MYO7B: variants seen among roughly 807,000 people sequenced by gnomAD.
MYO7B encodes unconventional myosin-VIIb.
In MYO7B, 212 loss-of-function variants were observed where a neutral mutation model predicts 259.7. The ratio of observed to expected loss-of-function variants is 0.82; its 90% confidence interval spans 0.73 to 0.91. MYO7B has a LOEUF of 0.91. Ranked by LOEUF, MYO7B falls within the 40% of genes least tolerant of loss-of-function variation. The pLI, the probability that MYO7B is intolerant of heterozygous loss-of-function variation, is 0.00. For synonymous variants in MYO7B, 1,197 were observed against 1,166.4 expected, an observed-to-expected ratio of 1.03 and a Z score of -0.54; for missense variants, 2,732 against 2,813.5, an observed-to-expected ratio of 0.97 and a Z score of 0.66.
At chr2:127,561,644 A>G (rs937280209) in intron 2 of MYO7B, among the ~76,000 whole-genome samples, 2 of 152,198 alleles carry the variant, frequency 1.3e-5, no homozygotes, top group South Asian at 2.1e-4. Flanking sequence ...AGGGCATTCC[A>G]TCTTCACAGC....
chr2:127,541,189 C>T (rs545277066), intron 1 of MYO7B, among the ~76,000 whole-genome samples: 1 of 152,078 alleles, frequency 6.6e-6, no homozygotes, highest in African/African-American at 2.4e-5. Context: ...GGAGGCATCT[C>T]TGTGGCTGTC....
At chr2:127,570,034 C>A in intron 6 of MYO7B, 124 bp downstream of exon 6, 1 of 1,209,224 alleles carries the variant, frequency 8.3e-7, no homozygotes, top group South Asian at 1.9e-5. Flanking sequence ...ACCCTTGGGA[C>A]ACAAAACACA....
chr2:127,603,470 C>T (rs551387058), intron 19 of MYO7B, among the ~76,000 whole-genome samples: 5 of 152,206 alleles, frequency 3.3e-5, no homozygotes, highest in East Asian at 3.9e-4. Flanking sequence ...CTTGGGTGGC[C>T]GGGTGAATTG....
chr2:127,633,442 G>A lies in MYO7B; in HGVS notation c.5511+79G>A, dbSNP rs76078311. On this transcript the variant is annotated intron_variant, in intron 40 of 47. Coordinates refer to ENST00000409816, the MANE Select transcript of MYO7B (RefSeq NM_001393586.1). Reference sequence around the variant, plus strand: ...GGCATCCTCCTTCCTGGCCCAGCCTGCTCCTTGGTAACCCCAGAGAGCCTT... The same window carrying A: ...GGCATCCTCCTTCCTGGCCCAGCCTACTCCTTGGTAACCCCAGAGAGCCTT... The A allele has an allele frequency of 1.1e-4, 158 of 1,411,230 alleles. 1 individual carries two copies. In the African/African-American group the frequency reaches 1.8e-3, roughly 16 times the overall value. 87.4% of individuals were successfully genotyped at this position (1,411,230 alleles called of 1,614,324 possible).
In MYO7B at chr2:127,631,707, G is replaced by T; in HGVS notation, c.5203G>T (p.Glu1735Ter). The part of the protein sequence containing the change: ...LALQHPALQD[E>*]VYCQILKQLT... ...CCTGCAGCACCCGGCCCTCCAGGAC[G>T]AGGTCTACTGCCAGATCCTGAAGCA... The change falls in exon 38 of 48, where the codon GAG becomes TAG. Residue 1735 changes from glutamate to a stop codon, truncating the protein, a stop_gained. Transcript: ENST00000409816. LOFTEE classifies it high-confidence loss of function. 1.2e-6 allele frequency: 2 copies of T among 1,612,982 alleles called. No individual in the cohort carries two copies. The highest frequency in any genetic ancestry group is 1.7e-6 in the Non-Finnish European group (2 of 1,179,848).
In MYO7B at chr2:127,607,565, G is replaced by A. The variant is rs1016815190; in HGVS notation, c.2643+141G>A. 21 of 709,290 alleles carry A rather than the reference G, an allele frequency of 3.0e-5. No individual in the cohort carries two copies. The highest frequency in any genetic ancestry group is 1.6e-4 in the East Asian group (6 of 36,868). 43.9% of individuals were successfully genotyped at this position (709,290 alleles called of 1,614,324 possible). A position where few individuals can be genotyped will look rare whatever the true frequency, so the allele number is the denominator to read the frequency against. On this transcript the variant is annotated intron_variant, in intron 21 of 47. Transcript: ENST00000409816. The surrounding 1 kb of genome is among the most constrained non-coding windows in gnomAD (Gnocchi z 4.4). The stretch of plus-strand genomic sequence containing the variant: ...CCCCGCCCCCGCCACAAGCCAAGAC[G>A]TTAAAATCTGTTCAATTACTCAAGA...
Position 127,608,783 on chromosome 2 carries a change from G to A in MYO7B, c.2719G>A (p.Asp907Asn), listed in dbSNP as rs200024830. Reference sequence around the variant, plus strand: ...TGCCAAGAAGCGCAGATCCATCTACGACACCGTCACTGACACGGAGATGGT... The same window carrying A: ...TGCCAAGAAGCGCAGATCCATCTACAACACCGTCACTGACACGGAGATGGT... ...LPAKKRRSIY[D>N]TVTDTEMVEK... is the part of the protein sequence containing the mutation. The change falls in exon 22 of 48, where the codon GAC becomes AAC. Residue 907 changes from aspartate (D) to asparagine (N), a missense_variant. By Grantham distance (23) the Asp-to-Asn change is conservative (BLOSUM62 1). Transcript: ENST00000409816. 56 of 1,613,498 alleles carry A rather than the reference G, an allele frequency of 3.5e-5. No homozygotes were observed. Among genetic ancestry groups the A allele is most frequent in the Non-Finnish European group, 4.5e-5 (53 of 1,179,792 alleles).
At chr2:127,599,023 C>T (rs1679868463) in intron 19 of MYO7B, among the ~76,000 whole-genome samples, 1 of 152,118 alleles carries the variant, frequency 6.6e-6, no homozygotes, top group African/African-American at 2.4e-5. Context: ...TTTTCTTCTT[C>T]AAAAGTGTTT....
At chr2:127,624,038 C>CGTGGG (rs1411006992) in intron 29 of MYO7B, 55 bp from the exon 30 acceptor site, 1 of 1,480,474 alleles carries the variant, frequency 6.8e-7, no homozygotes, top group East Asian at 2.5e-5. Context: ...TGGGCGTCCC[C>CGTGGG]GTGGGGTGGG....
At position 127,608,702 on chromosome 2, in the gene MYO7B, A is replaced by G. The variant is rs778767806; in HGVS notation, c.2644-6A>G. On this transcript the variant is annotated splice_polypyrimidine_tract_variant and splice_region_variant and intron_variant, in intron 21 of 47. Coordinates refer to ENST00000409816, the MANE Select transcript of MYO7B (RefSeq NM_001393586.1). ...CCTGGGTAACCTTCCTCCACGGGGT[A>G]TGCAGGCGCCGCTGGTCATCCCGGC... The G allele has an allele frequency of 6.8e-6, 11 of 1,609,450 alleles. No homozygotes were observed. The highest frequency in any genetic ancestry group is 1.7e-4 in the Middle Eastern group (1 of 5,882).
intron 14 of MYO7B, among the ~76,000 whole-genome samples, chr2:127,587,167 A>G (rs1679336193): frequency 6.6e-6 from 1 of 152,132 alleles, no homozygotes; most frequent in African/African-American, 2.4e-5. Flanking sequence ...GTTCGTCCTT[A>G]GAGACCAAGC....
Position 127,630,924 on chromosome 2 carries a change from G to A in MYO7B, c.4937+16G>A, listed in dbSNP as rs751239016. On this transcript the variant is annotated intron_variant, in intron 36 of 47. Coordinates refer to ENST00000409816, the MANE Select transcript of MYO7B (RefSeq NM_001393586.1). ...AGTTCTTCAGGTGCCCCCCAGCCCCGCTCCGCCTCATTGCACCCCCACCTC... is the reference window on the plus strand; with the variant it reads ...AGTTCTTCAGGTGCCCCCCAGCCCCACTCCGCCTCATTGCACCCCCACCTC... 15 of 1,548,616 alleles carry A rather than the reference G, an allele frequency of 9.7e-6. No individual in the cohort carries two copies. Among genetic ancestry groups the A allele is most frequent in the South Asian group, 2.4e-5 (2 of 84,260 alleles).
In MYO7B at chr2:127,568,228, G is replaced by A. The variant is rs755274493; in HGVS notation, c.470+1401G>A. Among the ~76,000 whole-genome samples, 58 of 152,358 alleles carry A rather than the reference G, an allele frequency of 3.8e-4. 1 individual carries two copies. The highest frequency in any genetic ancestry group is 6.8e-3 in the Middle Eastern group (2 of 294). ...CAGAGGCAGGGCAAGAGGCCCCTCA[G>A]CAGAGCTGGGCCGCAGGCTGGCTGG... On this transcript the variant is annotated intron_variant, in intron 5 of 47. Coordinates refer to ENST00000409816, the MANE Select transcript of MYO7B (RefSeq NM_001393586.1).
chr2:127,631,128 CAG>C lies in MYO7B; in HGVS notation c.4938-77_4938-76del, dbSNP rs994694592. 1.6e-4 allele frequency: 234 copies of C among 1,476,320 alleles called. 4 individuals are homozygous for C. The South Asian group carries it at 2.8e-3, about 17-fold the overall frequency. 91.5% of individuals were successfully genotyped at this position (1,476,320 alleles called of 1,614,324 possible). A position where few individuals can be genotyped will look rare whatever the true frequency, so the allele number is the denominator to read the frequency against. On this transcript the variant is annotated intron_variant, in intron 36 of 47. Transcript: ENST00000409816. The stretch of plus-strand genomic sequence containing the variant: ...GTGCTCTGGCCCTCCCACAGCCACT[CAG>C]GGGTGTCAGAGGACAGAGAAGCGTG...
chr2:127,555,496 A>G (rs1185911383), intron 1 of MYO7B, among the ~76,000 whole-genome samples: 1 of 151,950 alleles, frequency 6.6e-6, no homozygotes, highest in Admixed American at 6.6e-5. Context: ...TAGATTGCCT[A>G]TTTGTGCTCT....
rs1693255051 is a variant in MYO7B, at chr2:127,546,964, C to T, written c.-24+11133C>T. Reference sequence around the variant, plus strand: ...CTAATCGACTCATCCATCCATCCATCCACCAATCTATCCATCCATCAACCC... The same window carrying T: ...CTAATCGACTCATCCATCCATCCATTCACCAATCTATCCATCCATCAACCC... On this transcript the variant is annotated intron_variant, in intron 1 of 47. Transcript: ENST00000409816. This position sits in a 1 kb window ranked among gnomAD's most constrained non-coding sequence, Gnocchi z 4.2. Among the ~76,000 whole-genome samples, 1 of 152,030 alleles carries T rather than the reference C, an allele frequency of 6.6e-6. No individual in the cohort carries two copies. Among genetic ancestry groups the T allele is most frequent in the South Asian group, 2.1e-4 (1 of 4,816 alleles).
At chr2:127,566,566 G>A in intron 4 of MYO7B, 77 bp from the exon 5 acceptor site, 1 of 1,400,960 alleles carries the variant, frequency 7.1e-7, no homozygotes, top group Non-Finnish European at 9.4e-7. Context: ...CAGAGCCAGA[G>A]CCAAGGCCAA....
In MYO7B at chr2:127,577,585, G is replaced by C. The variant is rs1226695704; in HGVS notation, c.850-548G>C. Among the ~76,000 whole-genome samples, 2 of 152,110 alleles carry C rather than the reference G, an allele frequency of 1.3e-5. No individual in the cohort carries two copies. The highest frequency in any genetic ancestry group is 4.8e-5 in the African/African-American group (2 of 41,422). On this transcript the variant is annotated intron_variant, in intron 8 of 47. Transcript: ENST00000409816. The surrounding 1 kb of genome is among the most constrained non-coding windows in gnomAD (Gnocchi z 5.2). ...CCTGTCCCTGCCTCCCCACCTCGTGGCCTTGCTCCCATCATCCTCTGCCTA... is the reference window on the plus strand; with the variant it reads ...CCTGTCCCTGCCTCCCCACCTCGTGCCCTTGCTCCCATCATCCTCTGCCTA...
At position 127,607,305 on chromosome 2, in the gene MYO7B, CT is replaced by C; in HGVS notation, c.2525del (p.Leu842ArgfsTer84). On this transcript the variant is annotated frameshift_variant, in exon 21 of 48. Transcript: ENST00000409816. LOFTEE classifies it high-confidence loss of function. The surrounding 1 kb of genome is among the most constrained non-coding windows in gnomAD (Gnocchi z 4.4). ...GCAGAGGACAGTCCAGCTGCAGGCC[CT>C]GTGCAGGGGATACCTGGTGCGCCAG... ...MRQRTVQLQA[L>X]CRGYLVRQQV... The C allele has an allele frequency of 6.4e-7, 1 of 1,551,396 alleles. No individual in the cohort carries two copies. Among genetic ancestry groups the C allele is most frequent in the South Asian group, 1.2e-5 (1 of 84,068 alleles).
Sources: allele counts gnomAD v4.1 joint callset (sites outside exome capture counted in the v4.1 genomes callset), GRCh38; gene constraint gnomAD v4.1.1; non-coding constraint Gnocchi (gnomAD v3.1); transcripts MANE v1.5; gene names NCBI Gene and HGNC (gene_info 2026-07-23, HGNC 2026-07-21).